ADAMTS16: variants seen among roughly 807,000 people sequenced by gnomAD.
ADAMTS16 encodes ADAM metallopeptidase with thrombospondin type 1 motif 16.
A neutral mutation model predicts 145.8 loss-of-function variants in ADAMTS16; 94 were observed. The ratio of observed to expected loss-of-function variants is 0.64; its 90% CI spans 0.55 to 0.77. ADAMTS16 has a LOEUF of 0.77. Ranked by LOEUF, ADAMTS16 falls within the 30% of genes least tolerant of loss-of-function variation. The probability of loss-of-function intolerance (pLI) is 0.00; values close to 1 mark genes in which losing one functional copy is unlikely to be tolerated. For missense variants in ADAMTS16, 1,585 were observed against 1,591.5 expected (o/e 1.00, Z 0.07); for synonymous variants, 659 against 604.3 (o/e 1.09, Z -1.33).
chr5:5,157,775 G>A (rs1162267484), intron 3 of ADAMTS16, among the ~76,000 whole-genome samples: 5 of 152,256 alleles, frequency 3.3e-5, no homozygotes, highest in Admixed American at 2.6e-4. Flanking sequence ...TTCCTTCAAT[G>A]TGTTAAACCC....
chr5:5,251,964 C>A (rs1737639665), intron 17 of ADAMTS16, among the ~76,000 whole-genome samples: 1 of 152,186 alleles, frequency 6.6e-6, no homozygotes, highest in South Asian at 2.1e-4. Flanking sequence ...CATTCTCCTG[C>A]CGCAGCCTCC....
intron 18 of ADAMTS16, among the ~76,000 whole-genome samples, chr5:5,302,629 A>G (rs753799074): frequency 1.6e-4 from 25 of 152,372 alleles, no homozygotes; most frequent in Non-Finnish European, 2.4e-4. Context: ...TAAAGCCTAA[A>G]GACTAAAAGA....
At chr5:5,278,669 C>T (rs1438796839) in intron 18 of ADAMTS16, among the ~76,000 whole-genome samples, 2 of 152,044 alleles carry the variant, frequency 1.3e-5, no homozygotes, top group Non-Finnish European at 2.9e-5. Context: ...CTTGGGACAC[C>T]TTAGTGAATA....
intron 21 of ADAMTS16, among the ~76,000 whole-genome samples, chr5:5,314,294 C>A (rs985645317): frequency 6.6e-6 from 1 of 152,158 alleles, no homozygotes; most frequent in African/African-American, 2.4e-5. Context: ...ATGTGTGAAG[C>A]CTGTGGCCTC....
At chr5:5,252,805 C>T (rs1560969894) in intron 17 of ADAMTS16, among the ~76,000 whole-genome samples, 2 of 152,152 alleles carry the variant, frequency 1.3e-5, no homozygotes, top group Non-Finnish European at 2.9e-5. Flanking sequence ...CAGGAAAGGC[C>T]ATGCCATATG....
chr5:5,178,562 A>G (rs1735255820), intron 3 of ADAMTS16, among the ~76,000 whole-genome samples: 1 of 152,258 alleles, frequency 6.6e-6, no homozygotes, highest in Non-Finnish European at 1.5e-5. Flanking sequence ...ATATCAAAAT[A>G]TCAGTCTTAT....
chr5:5,169,448 G>A (rs1734988482), intron 3 of ADAMTS16, among the ~76,000 whole-genome samples: 1 of 152,118 alleles, frequency 6.6e-6, no homozygotes, highest in Non-Finnish European at 1.5e-5. Context: ...CATGTTAGTT[G>A]TACTATCTGG....
At chr5:5,208,656 G>T (rs144510598) in intron 9 of ADAMTS16, among the ~76,000 whole-genome samples, 2 of 152,214 alleles carry the variant, frequency 1.3e-5, no homozygotes, top group East Asian at 3.9e-4. Context: ...GAGGGAAAAA[G>T]AATGAAAAGC....
In ADAMTS16 at chr5:5,182,150, T is replaced by A. The variant is rs1735357027; in HGVS notation, c.608T>A (p.Val203Glu). 1.2e-6 allele frequency: 2 copies of A among 1,613,990 alleles called. No individual in the cohort carries two copies. The highest frequency in any genetic ancestry group is 1.7e-6 in the Non-Finnish European group (2 of 1,180,024). The stretch of plus-strand genomic sequence containing the variant: ...GCCCAAGGCAGCTCGCCATCCCACG[T>A]ACTGTACAAGAGATCCACAGAGCCC... ...RAAQGSSPSHVLYKRSTEPHA... is the reference protein window; with the variant it reads ...RAAQGSSPSHELYKRSTEPHA... The change falls in exon 4 of 23, where the codon GTA (valine) becomes GAA (glutamate). Residue 203 changes from valine to glutamate, a missense_variant. Around this residue, in one of 3 missense-constraint regions of ADAMTS16, gnomAD observed 453 missense variants for 412.1 expected, o/e 1.10. Transcript: ENST00000274181.
chr5:5,266,596 T>C (rs1738247469), intron 18 of ADAMTS16, among the ~76,000 whole-genome samples: 1 of 152,194 alleles, frequency 6.6e-6, no homozygotes, highest in Non-Finnish European at 1.5e-5. Context: ...GTTTTCTTTC[T>C]TGCCGCCTCC....
At chr5:5,189,585 A>G (rs1735600673) in intron 6 of ADAMTS16, among the ~76,000 whole-genome samples, 1 of 152,186 alleles carries the variant, frequency 6.6e-6, no homozygotes, top group Non-Finnish European at 1.5e-5. Context: ...CACCATCTAG[A>G]CGTGTTTTTG....
chr5:5,210,570 A>T (rs1736248642), intron 10 of ADAMTS16, among the ~76,000 whole-genome samples: 1 of 152,148 alleles, frequency 6.6e-6, no homozygotes. Context: ...TCCAGTAACA[A>T]TTATTCTCAT....
intron 16 of ADAMTS16, among the ~76,000 whole-genome samples, chr5:5,241,335 C>A (rs979283347): frequency 6.6e-6 from 1 of 152,216 alleles, no homozygotes; most frequent in Non-Finnish European, 1.5e-5. Flanking sequence ...GGGTTTCAAG[C>A]TAGGAAATGT....
intron 16 of ADAMTS16, 28 bp downstream of exon 16, chr5:5,239,953 C>G: frequency 6.2e-7 from 1 of 1,609,720 alleles, no homozygotes; most frequent in Non-Finnish European, 8.5e-7. Flanking sequence ...GATTTTGGGG[C>G]TTGGATTTTG....
Position 5,275,851 on chromosome 5 carries a change from A to T in ADAMTS16, c.2789+13068A>T, listed in dbSNP as rs561155749. 3.6e-5 allele frequency among the ~76,000 whole-genome samples: 5 copies of T among 137,864 alleles called. No individual in the cohort carries two copies. The South Asian group carries it at 1.2e-3, about 33-fold the overall frequency. 90.4% of individuals were successfully genotyped at this position (137,864 alleles called of 152,430 possible). On this transcript the variant is annotated intron_variant, in intron 18 of 22. Transcript: ENST00000274181. ...TATTCTGCTGAATTTTAATTTTATC[A>T]AATGAAGAATCTATTTTTTTTTTTT...
intron 17 of ADAMTS16, among the ~76,000 whole-genome samples, chr5:5,247,298 G>A (rs960577074): frequency 6.6e-6 from 1 of 151,998 alleles, no homozygotes; most frequent in African/African-American, 2.4e-5. Context: ...TACTAAAAAC[G>A]TCTCCCGTTC....
chr5:5,167,056 C>T (rs1251784236), intron 3 of ADAMTS16, among the ~76,000 whole-genome samples: 1 of 152,232 alleles, frequency 6.6e-6, no homozygotes, highest in Non-Finnish European at 1.5e-5. Context: ...CATCTGTTTT[C>T]ATCCAGAATT....
At chr5:5,154,672 A>C (rs956041873) in intron 3 of ADAMTS16, among the ~76,000 whole-genome samples, 1 of 152,158 alleles carries the variant, frequency 6.6e-6, no homozygotes, top group Non-Finnish European at 1.5e-5. Flanking sequence ...AGACAGGTCT[A>C]GGGTGCGTGT....
intron 1 of ADAMTS16, 53 bp from the exon 2 acceptor site, chr5:5,140,611 C>T (rs1004248087): frequency 3.3e-6 from 5 of 1,522,850 alleles, no homozygotes; most frequent in East Asian, 2.5e-5. Context: ...CCCCGCGGCT[C>T]CTCTCCCGCG....
Sources: allele counts gnomAD v4.1 joint callset (sites outside exome capture counted in the v4.1 genomes callset), GRCh38; gene constraint gnomAD v4.1.1; regional missense constraint gnomAD v4.1.1; transcripts MANE v1.5; gene names NCBI Gene and HGNC (gene_info 2026-07-23, HGNC 2026-07-21).